Variants in EIF2AK4 observed in about 807,000 individuals in gnomAD.
The protein encoded by EIF2AK4 is eIF-2-alpha kinase GCN2.
A neutral mutation model predicts 211.1 loss-of-function variants in EIF2AK4; 139 were observed. The ratio of observed to expected loss-of-function variants is 0.66; its 90% CI spans 0.57 to 0.76. The LOEUF is 0.76. Ranked by LOEUF, EIF2AK4 falls within the 30% of genes least tolerant of loss-of-function variation. The probability of loss-of-function intolerance (pLI) is 0.00; values close to 1 mark genes in which losing one functional copy is unlikely to be tolerated. For missense variants in EIF2AK4, 1,664 were observed against 2,043.8 expected (o/e 0.81, Z 3.58); for synonymous variants, 710 against 751.3 (o/e 0.94, Z 0.90).
chr15:39,945,210 G>A (rs757205071), intron 3 of EIF2AK4, among the ~76,000 whole-genome samples: 8 of 151,758 alleles, frequency 5.3e-5, no homozygotes, highest in South Asian at 4.2e-4. Context: ...CAAACTCCTG[G>A]CTCAAGCAAT....
chr15:39,967,582 A>G lies in EIF2AK4; in HGVS notation c.1256A>G (p.Asn419Ser), dbSNP rs370892103. 1.8e-4 allele frequency: 295 copies of G among 1,613,570 alleles called. No homozygotes were observed. Among genetic ancestry groups the G allele is most frequent in the Non-Finnish European group, 2.3e-4 (270 of 1,179,890 alleles). Residue 419 changes from asparagine to serine, a missense_variant, in exon 9 of 39, where the codon AAT becomes AGT. Physicochemically the swap from Asn to Ser is conservative, Grantham distance 46. Around this residue, in one of 7 missense-constraint regions of EIF2AK4, gnomAD observed 641 missense variants for 729.6 expected, o/e 0.88. Coordinates refer to ENST00000263791, the MANE Select transcript of EIF2AK4 (RefSeq NM_001013703.4). ...LLSGLDYLHS[N>S]SVVHKVLSAS... ...TCAGGCCTTGATTATCTGCACAGCA[A>G]TTCTGTGGTGCATAAGGTCCTGAGT... is the stretch of plus-strand genomic sequence containing the variant.
rs117700850 is a variant in EIF2AK4 at position 39,945,643 on chromosome 15, T to C, written c.360+2158T>C. On this transcript the variant is annotated intron_variant, in intron 3 of 38. Coordinates refer to ENST00000263791, the MANE Select transcript of EIF2AK4 (RefSeq NM_001013703.4). ...GGTAGCTACAGATTTTCAGTGTAGA[T>C]GAAACAGTCTTATATGGAAGAAGGT... Among the ~76,000 whole-genome samples the C allele has an allele frequency of 5.5e-3, 843 of 152,322 alleles. 5 individuals carry two copies. Among genetic ancestry groups the C allele is most frequent in the Non-Finnish European group, 9.4e-3 (642 of 68,032 alleles).
At chr15:40,013,865 T>C (rs1399886652) in intron 27 of EIF2AK4, among the ~76,000 whole-genome samples, 7 of 152,204 alleles carry the variant, frequency 4.6e-5, no homozygotes, top group Non-Finnish European at 1.0e-4. Flanking sequence ...CCCCACAGTC[T>C]TAACTCATTT....
At chr15:39,937,478 C>T (rs1272077901) in intron 1 of EIF2AK4, among the ~76,000 whole-genome samples, 1 of 152,048 alleles carries the variant, frequency 6.6e-6, no homozygotes, top group East Asian at 1.9e-4. Context: ...CTTAAGAAAA[C>T]TAGCATTTTG....
In EIF2AK4 at chr15:40,022,603, A is replaced by G. The variant is rs1228837536; in HGVS notation, c.4387A>G (p.Lys1463Glu). 6.2e-7 allele frequency: 1 copy of G among 1,614,116 alleles called. No homozygotes were observed. The change falls in exon 32 of 39, where the codon AAG becomes GAG. Residue 1463 changes from lysine to glutamate, a missense_variant and splice_region_variant. Lys to Glu is a moderately conservative substitution (Grantham distance 56). Transcript: ENST00000263791. ...CTCGGATAAAGAAGGAAGCCATGTC[A>G]AGGTAAAGACGTCAGAGATTTTTTA... The part of the protein sequence containing the change: ...LVSDKEGSHV[K>E]VKSFEKERQT...
At chr15:39,994,672 C>T (rs12906787) in intron 18 of EIF2AK4, among the ~76,000 whole-genome samples, 114,118 of 152,080 alleles carry the variant, frequency 0.75, 46,047 homozygotes, top group Non-Finnish European at 0.93. Flanking sequence ...AGCAAATGCT[C>T]AGGCTTGCAG....
chr15:40,022,181 C>CGTGT (rs142104639), intron 31 of EIF2AK4: 7,018 of 137,642 alleles, frequency 0.051, 384 homozygotes, highest in African/African-American at 0.14. Context: ...GCTTTTTCAG[C>CGTGT]GTGTGTGTGT....
intron 27 of EIF2AK4, among the ~76,000 whole-genome samples, chr15:40,012,766 C>T (rs772283538): frequency 2.1e-4 from 32 of 152,172 alleles, no homozygotes; most frequent in Non-Finnish European, 4.0e-4. Context: ...TCTCTAACCA[C>T]TGGTTATTCG....
chr15:39,947,541 G>A (rs2034246339), intron 3 of EIF2AK4, among the ~76,000 whole-genome samples: 1 of 152,168 alleles, frequency 6.6e-6, no homozygotes, highest in Non-Finnish European at 1.5e-5. Flanking sequence ...TGTGTACCAT[G>A]TGTCAAGTGC....
At chr15:39,956,706 C>T (rs1357741943) in intron 6 of EIF2AK4, among the ~76,000 whole-genome samples, 1 of 152,182 alleles carries the variant, frequency 6.6e-6, no homozygotes, top group Non-Finnish European at 1.5e-5. Context: ...GTGAAGAAAC[C>T]ATTTATGAGT....
intron 11 of EIF2AK4, 70 bp from the exon 12 acceptor site, chr15:39,976,344 A>C (rs1427160500): frequency 4.0e-6 from 6 of 1,482,076 alleles, no homozygotes; most frequent in African/African-American, 1.4e-5. Context: ...TTGGGAGGGG[A>C]TGGGGTGCGG....
chr15:39,982,839 C>T (rs2034811382), intron 13 of EIF2AK4, among the ~76,000 whole-genome samples: 1 of 152,150 alleles, frequency 6.6e-6, no homozygotes, highest in South Asian at 2.1e-4. Context: ...ATAATAGTTT[C>T]TAGCTTCATC....
intron 16 of EIF2AK4, among the ~76,000 whole-genome samples, 176 bp downstream of exon 16, chr15:39,990,553 G>A (rs1195009256): frequency 1.3e-5 from 2 of 152,206 alleles, no homozygotes; most frequent in African/African-American, 4.8e-5. Context: ...GCAATTGTGA[G>A]TATATTTTTT....
chr15:40,031,684 A>T (rs1204229398), intron 35 of EIF2AK4, among the ~76,000 whole-genome samples: 1 of 152,112 alleles, frequency 6.6e-6, no homozygotes, highest in Non-Finnish European at 1.5e-5. Flanking sequence ...TTCCCCTGAG[A>T]TCATATTGCT....
intron 3 of EIF2AK4, among the ~76,000 whole-genome samples, chr15:39,944,888 A>G (rs2034206151): frequency 6.6e-6 from 1 of 152,242 alleles, no homozygotes; most frequent in Admixed American, 6.5e-5. Context: ...GTCATAGTAC[A>G]GTCCATGGAA....
chr15:40,018,597 C>A (rs982371459), intron 29 of EIF2AK4, among the ~76,000 whole-genome samples: 1 of 151,920 alleles, frequency 6.6e-6, no homozygotes, highest in Non-Finnish European at 1.5e-5. Flanking sequence ...ACTGGGATTG[C>A]GGGTGTGAGC....
intron 9 of EIF2AK4, among the ~76,000 whole-genome samples, chr15:39,970,360 A>G (rs1037128388): frequency 3.9e-5 from 6 of 152,200 alleles, no homozygotes; most frequent in African/African-American, 1.4e-4. Flanking sequence ...AGTCAATAAC[A>G]TTTATGTCAC....
chr15:39,998,818 A>G, intron 20 of EIF2AK4, 34 bp downstream of exon 20: 1 of 1,525,832 alleles, frequency 6.6e-7, no homozygotes, highest in Non-Finnish European at 9.0e-7. Context: ...CTATGTCTTC[A>G]GTCTTGCATT....
At chr15:39,999,121 G>GA (rs879551411) in intron 20 of EIF2AK4, among the ~76,000 whole-genome samples, 2 of 151,952 alleles carry the variant, frequency 1.3e-5, no homozygotes, top group Non-Finnish European at 2.9e-5. Context: ...GGGGCTTTAA[G>GA]AAAAAAATAT....
Sources: allele counts gnomAD v4.1 joint callset (sites outside exome capture counted in the v4.1 genomes callset), GRCh38; gene constraint gnomAD v4.1.1; regional missense constraint gnomAD v4.1.1; transcripts MANE v1.5; gene names NCBI Gene and HGNC (gene_info 2026-07-23, HGNC 2026-07-21).